Variants in SERF2 observed in about 807,000 individuals in gnomAD.
SERF2 encodes small EDRK-rich factor 2.
In SERF2, 4 loss-of-function variants were observed where a neutral mutation model predicts 10.7. The ratio of observed to expected loss-of-function variants is 0.37; its 90% CI spans 0.18 to 0.86. SERF2 has a LOEUF of 0.86. Among genes scored for constraint, SERF2 ranks in the 40% least tolerant of loss-of-function variants. The pLI is 0.43. For missense variants in SERF2, 47 were observed against 79.1 expected, an observed-to-expected ratio of 0.59 and a Z score of 1.54; for synonymous variants, 26 against 26.0, an observed-to-expected ratio of 1.00 and a Z score of 0.01.
At position 43,793,850 on chromosome 15, in the gene SERF2, C is replaced by T. The variant is rs764583848; in HGVS notation, c.*77C>T. The T allele has an allele frequency of 1.9e-6, 3 of 1,613,696 alleles. No homozygotes were observed. Among genetic ancestry groups the T allele is most frequent in the Non-Finnish European group, 1.7e-6 (2 of 1,179,802 alleles). ...CAGTCCCACCACGCTCGCGTTTCCT[C>T]CTGTAGTGCTCACAGGTCCCAGCAC... On this transcript the variant is annotated 3_prime_UTR_variant, in exon 3 of 3. Transcript: ENST00000249786.
At position 43,795,840 on chromosome 15, in the gene SERF2, G is replaced by A; in HGVS notation, c.*2067G>A. 8.6e-7 allele frequency: 1 copy of A among 1,165,240 alleles called. No homozygotes were observed. Among genetic ancestry groups the A allele is most frequent in the Admixed American group, 2.4e-5 (1 of 40,942 alleles). The allele number at this position is 1,165,240 out of a possible 1,614,324, so 72.2% of individuals were successfully genotyped here. On this transcript the variant is annotated 3_prime_UTR_variant, in exon 3 of 3. Coordinates refer to ENST00000249786, the MANE Select transcript of SERF2 (RefSeq NM_001018108.4). ...GATTGGTCTAGTATTAAAAAGTGGA[G>A]GCACACCTGGGTTCAAATTCTAGCT...
rs1380522081 is a variant in SERF2 at position 43,793,972 on chromosome 15, A to G, written c.*199A>G. 6.5e-7 allele frequency: 1 copy of G among 1,534,842 alleles called. No individual in the cohort carries two copies. Among genetic ancestry groups the G allele is most frequent in the Non-Finnish European group, 8.8e-7 (1 of 1,140,186 alleles). On this transcript the variant is annotated 3_prime_UTR_variant, in exon 3 of 3. Transcript: ENST00000249786. ...TCCCCCTGGGCCACTCCCGGGGGTGAGGGGGTTACCCCTTCCCAGTGTTTT... is the reference window on the plus strand; with the variant it reads ...TCCCCCTGGGCCACTCCCGGGGGTGGGGGGGTTACCCCTTCCCAGTGTTTT...
At chr15:43,786,553 G>T (rs2087009174) in intron 2 of SERF2, among the ~76,000 whole-genome samples, 1 of 152,106 alleles carries the variant, frequency 6.6e-6, no homozygotes, top group South Asian at 2.1e-4. Flanking sequence ...CCCCCTCTCA[G>T]GGCCTTGGTA....
exon 1 of SERF2, chr15:43,777,481 G>A (rs2086929538): frequency 5.1e-6 from 1 of 196,138 alleles, no homozygotes; most frequent in Admixed American, 5.5e-5. Context: ...CCACCGCTCT[G>A]AAACCGATTT....
chr15:43,792,213 G>A, upstream of SERF2: 2 of 672,384 alleles, frequency 3.0e-6, no homozygotes, highest in Non-Finnish European at 5.4e-6. Context: ...AGCACGACCC[G>A]TGGATCCACG....
In SERF2 at chr15:43,792,942, C is replaced by T. The variant is rs747303084; in HGVS notation, c.8-33C>T. 1.2e-5 allele frequency: 18 copies of T among 1,489,964 alleles called. No homozygotes were observed. In the African/African-American group the frequency reaches 2.3e-4, roughly 19 times the overall value. The allele number at this position is 1,489,964 out of a possible 1,614,324, so 92.3% of individuals were successfully genotyped here. ...GTCGCCGGTGTGTGGGCAGAGCGGC[C>T]CCCGCGTCTCACCTTTAATTTTCTT... On this transcript the variant is annotated intron_variant, in intron 1 of 2. Transcript: ENST00000249786.
chr15:43,793,893 C>T lies in SERF2; in HGVS notation c.*120C>T, dbSNP rs756003408. On this transcript the variant is annotated 3_prime_UTR_variant, in exon 3 of 3. Coordinates refer to ENST00000249786, the MANE Select transcript of SERF2 (RefSeq NM_001018108.4). The stretch of plus-strand genomic sequence containing the variant: ...CCCAGCACCGATGGCATTCCCTTTG[C>T]CCTGAGTCTGCAGCGGGTCCCTTTT... 1 of 1,599,664 alleles carries T rather than the reference C, an allele frequency of 6.3e-7. No individual in the cohort carries two copies. The highest frequency in any genetic ancestry group is 8.5e-7 in the Non-Finnish European group (1 of 1,172,692).
chr15:43,780,332 C>CG, intron 1 of SERF2, among the ~76,000 whole-genome samples: 1 of 151,948 alleles, frequency 6.6e-6, no homozygotes, highest in African/African-American at 2.4e-5. Context: ...TTAGTAGAGA[C>CG]GGGGTTTCGC....
chr15:43,795,501 G>T lies in SERF2; in HGVS notation c.*1728G>T, dbSNP rs1567170586. 2 of 1,614,188 alleles carry T rather than the reference G, an allele frequency of 1.2e-6. No homozygotes were observed. Among genetic ancestry groups the T allele is most frequent in the Non-Finnish European group, 1.7e-6 (2 of 1,180,042 alleles). ...GGACTTGGACTGGAGGAGCTGGAGG[G>T]GTTTCTTGGTCAGCTGGCCTCGCAG... On this transcript the variant is annotated 3_prime_UTR_variant, in exon 3 of 3. Coordinates refer to ENST00000249786, the MANE Select transcript of SERF2 (RefSeq NM_001018108.4).
In SERF2 at chr15:43,795,055, A is replaced by G. The variant is rs1278740268; in HGVS notation, c.*1282A>G. The G allele has an allele frequency of 3.1e-6, 5 of 1,612,972 alleles. No homozygotes were observed. In the Admixed American group the frequency reaches 6.7e-5, roughly 22 times the overall value. On this transcript the variant is annotated 3_prime_UTR_variant, in exon 3 of 3. Coordinates refer to ENST00000249786, the MANE Select transcript of SERF2 (RefSeq NM_001018108.4). ...TATGATGCGGTGGCGGCGGCGCCTC[A>G]AGATAAGGGGCTGGGGTTTCTGGGT...
In SERF2 at chr15:43,793,080, A is replaced by G. The variant is rs1222320937; in HGVS notation, c.113A>G (p.Gln38Arg). 5.6e-6 allele frequency: 9 copies of G among 1,606,680 alleles called. No individual in the cohort carries two copies. Among genetic ancestry groups the G allele is most frequent in the Non-Finnish European group, 7.7e-6 (9 of 1,173,772 alleles). Reference sequence around the variant, plus strand: ...GGGCTTTCTGCTGCCGCCCGCAAGCAGAGGTAGCCCCAGGGAGGGGAGGGA... The same window carrying G: ...GGGCTTTCTGCTGCCGCCCGCAAGCGGAGGTAGCCCCAGGGAGGGGAGGGA... ...DDGLSAAARK[Q>R]RDSEIMQQKQ... The change falls in exon 2 of 3, where the codon CAG becomes CGG. Residue 38 changes from glutamine to arginine, a missense_variant. Physicochemically the swap from Gln to Arg is conservative, Grantham distance 43. Coordinates refer to ENST00000249786, the MANE Select transcript of SERF2 (RefSeq NM_001018108.4).
chr15:43,787,228 T>C (rs2087015251), intron 2 of SERF2, among the ~76,000 whole-genome samples: 1 of 151,956 alleles, frequency 6.6e-6, no homozygotes, highest in Non-Finnish European at 1.5e-5. Flanking sequence ...CTTGATCTCC[T>C]GACCTCATGA....
rs1347943279 is a variant in SERF2 at position 43,792,409 on chromosome 15, G to C, written c.7+26G>C. ...GTGAGCACCGAGCCCCCTTCTCCTT[G>C]CCCTTTTCTTTCCGTTCACCCTAAA... On this transcript the variant is annotated intron_variant, in intron 1 of 2. Transcript: ENST00000249786. 7 of 1,613,762 alleles carry C rather than the reference G, an allele frequency of 4.3e-6. No homozygotes were observed. In the Admixed American group the frequency reaches 6.7e-5, roughly 15 times the overall value.
At chr15:43,792,675 C>T (rs1432326107) in intron 1 of SERF2, 8 of 1,294,294 alleles carry the variant, frequency 6.2e-6, no homozygotes, top group East Asian at 2.6e-5. Flanking sequence ...CCAGCCCATC[C>T]CCCACGGAGA....
At position 43,792,394 on chromosome 15, in the gene SERF2, A is replaced by G. The variant is rs760761903; in HGVS notation, c.7+11A>G. 9 of 1,613,816 alleles carry G rather than the reference A, an allele frequency of 5.6e-6. No homozygotes were observed. The highest frequency in any genetic ancestry group is 2.2e-5 in the East Asian group (1 of 44,878). ...CCGTCGCCATGACCCGTGAGCACCG[A>G]GCCCCCTTCTCCTTGCCCTTTTCTT... On this transcript the variant is annotated intron_variant, in intron 1 of 2. Transcript: ENST00000249786.
chr15:43,791,607 C>T (rs1468579628), upstream of SERF2, among the ~76,000 whole-genome samples: 6 of 152,180 alleles, frequency 3.9e-5, no homozygotes, highest in Admixed American at 3.9e-4. Context: ...AGGGGAAAAG[C>T]GAATATGTGA....
At chr15:43,783,123 T>G (rs1019085876) in intron 1 of SERF2, among the ~76,000 whole-genome samples, 17 of 150,902 alleles carry the variant, frequency 1.1e-4, no homozygotes, top group Admixed American at 1.1e-3. Context: ...CTCTCCTGCC[T>G]CAGCCTCCCG....
At chr15:43,781,087 T>C (rs2086960332) in intron 1 of SERF2, among the ~76,000 whole-genome samples, 1 of 152,190 alleles carries the variant, frequency 6.6e-6, no homozygotes, top group Non-Finnish European at 1.5e-5. Context: ...GTTGCTTGCA[T>C]ATAAACACTG....
intron 1 of SERF2, among the ~76,000 whole-genome samples, chr15:43,780,213 C>T (rs968289518): frequency 4.6e-5 from 7 of 152,240 alleles, no homozygotes; most frequent in South Asian, 2.1e-4. Flanking sequence ...GATCTTGGCT[C>T]ACTGCAAGCT....
Sources: gnomAD v4.1 joint callset for allele counts (sites outside exome capture counted in the v4.1 genomes callset) on GRCh38, gnomAD v4.1.1 for gene constraint, MANE v1.5 for transcripts, NCBI Gene and HGNC (gene_info 2026-07-23, HGNC 2026-07-21) for gene names.